MRC1: variants seen among roughly 807,000 people sequenced by gnomAD.
MRC1 encodes the protein mannose receptor C-type 1.
In MRC1, 62 loss-of-function variants were observed where a neutral mutation model predicts 102.9. The observed-to-expected ratio is 0.60, with a 90% CI of 0.49 to 0.74. MRC1 has a LOEUF of 0.74. Ranked by LOEUF, MRC1 falls within the 30% of genes least tolerant of loss-of-function variation. MRC1 has a pLI of 0.00. For missense variants in MRC1, 1,237 were observed against 862.8 expected (o/e 1.43, Z -5.43); for synonymous variants, 457 against 298.4 (o/e 1.53, Z -5.48).
chr10:17,848,725 G>A (rs939200974), intron 6 of MRC1, among the ~76,000 whole-genome samples: 28 of 152,264 alleles, frequency 1.8e-4, no homozygotes, highest in African/African-American at 6.3e-4. Context: ...ACTTGCCGAA[G>A]ATCACACAAC....
chr10:17,817,761 C>A (rs1335129735), intron 1 of MRC1, among the ~76,000 whole-genome samples: 1 of 152,036 alleles, frequency 6.6e-6, no homozygotes, highest in Non-Finnish European at 1.5e-5. Flanking sequence ...ATTTCTGTTA[C>A]AAAAACATAA....
rs1011202508 is a variant in MRC1, at chr10:17,847,472, T to A, written c.1063+2037T>A. ...AACATCTCTATACTCCCTGGATTAA[T>A]GATTCTGTTTTATCTATAAACTCAA... On this transcript the variant is annotated intron_variant, in intron 6 of 29. Transcript: ENST00000569591. Among the ~76,000 whole-genome samples the A allele has an allele frequency of 9.1e-4, 139 of 152,386 alleles. No individual in the cohort carries two copies. The Middle Eastern group carries it at 0.014, about 15-fold the overall frequency.
chr10:17,870,804 T>A (rs1833344257), intron 13 of MRC1, 44 bp from the exon 14 acceptor site: 1 of 870,446 alleles, frequency 1.1e-6, no homozygotes, highest in Non-Finnish European at 2.0e-6. Context: ...CTGAACTTGC[T>A]TCATGCAATA....
chr10:17,893,999 C>T (rs926257424), intron 22 of MRC1, among the ~76,000 whole-genome samples: 17 of 151,992 alleles, frequency 1.1e-4, no homozygotes, highest in South Asian at 1.0e-3. Flanking sequence ...GTTGGGTTTT[C>T]GATTCATATA....
intron 4 of MRC1, among the ~76,000 whole-genome samples, chr10:17,834,109 T>C (rs1238263897): frequency 6.6e-6 from 1 of 152,196 alleles, no homozygotes; most frequent in Non-Finnish European, 1.5e-5. Flanking sequence ...GAGTAAAAGA[T>C]GCCACAATCG....
chr10:17,878,861 T>C (rs1159780770), intron 18 of MRC1, among the ~76,000 whole-genome samples: 1 of 152,132 alleles, frequency 6.6e-6, no homozygotes, highest in Non-Finnish European at 1.5e-5. Flanking sequence ...AAATGTTGGA[T>C]CTTGCTTTGG....
intron 2 of MRC1, among the ~76,000 whole-genome samples, chr10:17,826,713 A>G (rs1273990503): frequency 6.6e-6 from 1 of 152,316 alleles, no homozygotes; most frequent in Non-Finnish European, 1.5e-5. Flanking sequence ...CTTAAGCCAA[A>G]CCATAATCAA....
chr10:17,833,818 C>G lies in MRC1; in HGVS notation c.781C>G (p.His261Asp), dbSNP rs2130613289. Residue 261 changes from histidine (H) to aspartate (D), a missense_variant, in exon 4 of 30, where the codon CAT becomes GAT. His to Asp is a moderately conservative substitution (Grantham distance 81). Coordinates refer to ENST00000569591, the MANE Select transcript of MRC1 (RefSeq NM_002438.4). The part of the protein sequence containing the change: ...NAELLSITEI[H>D]EQTYLTGLTS... Reference sequence around the variant, plus strand: ...TGAGCTCCTGAGCATCACAGAGATTCATGAGCAAACATACCTGACAGGTAA... The same window carrying G: ...TGAGCTCCTGAGCATCACAGAGATTGATGAGCAAACATACCTGACAGGTAA... 1 of 781,106 alleles carries G rather than the reference C, an allele frequency of 1.3e-6. No individual in the cohort carries two copies. The highest frequency in any genetic ancestry group is 1.7e-5 in the African/African-American group (1 of 59,268). The allele number at this position is 781,106 out of a possible 1,614,324, so 48.4% of individuals were successfully genotyped here.
At chr10:17,877,802 G>T in intron 17 of MRC1, 98 bp from the exon 18 acceptor site, 1 of 836,630 alleles carries the variant, frequency 1.2e-6, no homozygotes, top group Non-Finnish European at 2.1e-6. Context: ...TCTAGATAAG[G>T]TTTCGATTAG....
intron 7 of MRC1, among the ~76,000 whole-genome samples, chr10:17,850,206 T>G (rs1190833532): frequency 6.6e-6 from 1 of 151,744 alleles, no homozygotes; most frequent in Non-Finnish European, 1.5e-5. Flanking sequence ...CTTTTTTCTT[T>G]GTGAATTTAG....
chr10:17,814,831 AT>A (rs1409545818), intron 1 of MRC1, among the ~76,000 whole-genome samples: 3 of 151,472 alleles, frequency 2.0e-5, no homozygotes, highest in Non-Finnish European at 4.4e-5. Flanking sequence ...TGCCAGGCTA[AT>A]TTTTGTATTT....
At chr10:17,835,892 G>A (rs1028794375) in intron 4 of MRC1, among the ~76,000 whole-genome samples, 4 of 152,180 alleles carry the variant, frequency 2.6e-5, no homozygotes, top group Middle Eastern at 6.3e-3. Context: ...CAAACTCCTG[G>A]GTGATTCTGG....
intron 1 of MRC1, among the ~76,000 whole-genome samples, chr10:17,811,545 C>T (rs1260678435): frequency 1.1e-4 from 16 of 151,752 alleles, no homozygotes; most frequent in Non-Finnish European, 2.9e-5. Context: ...TTTTTTCCTA[C>T]GTGAAAGCCT....
At chr10:17,890,999 C>A (rs951024759) in intron 22 of MRC1, among the ~76,000 whole-genome samples, 1 of 151,574 alleles carries the variant, frequency 6.6e-6, no homozygotes, top group African/African-American at 2.4e-5. Flanking sequence ...CTAGGTTGCA[C>A]GCTCCTTATG....
intron 10 of MRC1, among the ~76,000 whole-genome samples, chr10:17,861,911 C>T (rs910117852): frequency 2.0e-5 from 3 of 152,170 alleles, no homozygotes; most frequent in Non-Finnish European, 4.4e-5. Context: ...TCATTCTTTC[C>T]AGTCTTCCAT....
rs1833180724 is a variant in MRC1, at chr10:17,861,280, TC to T, written c.1519-105del. ...GTGAGCCAAGATTGCGCCATTGTAC[TC>T]CAGCCTGGGCGACAAGAGCAAAACT... On this transcript the variant is annotated intron_variant, in intron 9 of 29. Transcript: ENST00000569591. 5.0e-6 allele frequency: 3 copies of T among 605,588 alleles called. No homozygotes were observed. The South Asian group carries it at 6.1e-5, about 12-fold the overall frequency. 37.5% of individuals were successfully genotyped at this position (605,588 alleles called of 1,614,324 possible).
intron 1 of MRC1, among the ~76,000 whole-genome samples, chr10:17,810,259 G>C (rs1420838729): frequency 6.6e-6 from 1 of 152,094 alleles, no homozygotes; most frequent in Admixed American, 6.5e-5. Context: ...CTTCAGGATG[G>C]GAGTGCCTCG....
chr10:17,873,726 A>G lies in MRC1; in HGVS notation c.2345-58A>G, dbSNP rs1022259859. The G allele has an allele frequency of 2.6e-3, 2,234 of 854,938 alleles. 28 individuals carry two copies. The East Asian group carries it at 0.032, about 12-fold the overall frequency. 53.0% of individuals were successfully genotyped at this position (854,938 alleles called of 1,614,324 possible). On this transcript the variant is annotated intron_variant, in intron 15 of 29. Transcript: ENST00000569591. ...TCATGAAAATAGTGACAATAGAAGGAAATGTAATTAGCAGAAGTTTAAGTA... is the reference window on the plus strand; with the variant it reads ...TCATGAAAATAGTGACAATAGAAGGGAATGTAATTAGCAGAAGTTTAAGTA...
intron 6 of MRC1, among the ~76,000 whole-genome samples, chr10:17,847,704 C>G (rs1368568461): frequency 1.3e-5 from 2 of 152,232 alleles, no homozygotes; most frequent in African/African-American, 4.8e-5. Context: ...TGAGCTGTGG[C>G]TAGAGGAACA....
Sources: allele counts gnomAD v4.1 joint callset (sites outside exome capture counted in the v4.1 genomes callset), GRCh38; gene constraint gnomAD v4.1.1; transcripts MANE v1.5; gene names NCBI Gene and HGNC (gene_info 2026-07-23, HGNC 2026-07-21).